TXLNB: variants seen among roughly 807,000 people sequenced by gnomAD.
TXLNB encodes the protein taxilin beta, also known as beta-taxilin.
A neutral mutation model predicts 57.4 loss-of-function variants in TXLNB; 37 were observed. The observed-to-expected ratio is 0.64, with a 90% confidence interval of 0.50 to 0.85. The LOEUF (loss-of-function observed/expected upper bound fraction) is 0.85, where lower values mean the gene tolerates loss of function less well. TXLNB is among the 40% of genes least tolerant of loss of function. The pLI is 0.00. For synonymous variants in TXLNB, 302 were observed against 309.6 expected (o/e 0.98, Z 0.26); for missense variants, 848 against 825.6 (o/e 1.03, Z -0.33).
the TXLNB span, among the ~76,000 whole-genome samples, chr6:139,165,012 C>T: frequency 3.3e-5 from 5 of 152,306 alleles, no homozygotes; most frequent in East Asian, 1.9e-4. Flanking sequence ...AGTCAGCTAA[C>T]GACAAGAACA....
At chr6:139,190,935 A>G in the TXLNB span, among the ~76,000 whole-genome samples, 2 of 152,126 alleles carry the variant, frequency 1.3e-5, no homozygotes, top group African/African-American at 4.8e-5. Context: ...GTTAAGATTA[A>G]AAAGTTAGAA....
the TXLNB span, among the ~76,000 whole-genome samples, chr6:139,190,539 G>A: frequency 6.6e-6 from 1 of 152,072 alleles, no homozygotes; most frequent in African/African-American, 2.4e-5. Context: ...TGGAACTCCT[G>A]ACCTTGTGAT....
the TXLNB span, among the ~76,000 whole-genome samples, chr6:139,198,178 A>G: frequency 6.6e-6 from 1 of 151,612 alleles, no homozygotes; most frequent in Non-Finnish European, 1.5e-5. Flanking sequence ...AGGAGGGCCT[A>G]CTCAATATCC....
At chr6:139,276,458 G>A (rs1304972105) in intron 3 of TXLNB, among the ~76,000 whole-genome samples, 3 of 152,176 alleles carry the variant, frequency 2.0e-5, no homozygotes, top group South Asian at 4.1e-4. Context: ...GCTAACATGC[G>A]AGAATTAACC....
the TXLNB span, among the ~76,000 whole-genome samples, chr6:139,212,018 T>A: frequency 6.6e-6 from 1 of 152,146 alleles, no homozygotes; most frequent in African/African-American, 2.4e-5. Flanking sequence ...TACCTGAAAG[T>A]GACAGGGAGA....
chr6:139,270,357 C>G, intron 4 of TXLNB, 99 bp downstream of exon 4: 1 of 1,197,830 alleles, frequency 8.3e-7, no homozygotes, highest in South Asian at 1.6e-5. Flanking sequence ...GAACCCAAGC[C>G]TCTCTGATTC....
intron 7 of TXLNB, among the ~76,000 whole-genome samples, chr6:139,250,079 A>G (rs1449365268): frequency 1.3e-5 from 2 of 150,456 alleles, no homozygotes; most frequent in African/African-American, 4.9e-5. Context: ...CAATTGTGTG[A>G]TCCTAGCTCA....
chr6:139,188,091 TAAGA>T, the TXLNB span, among the ~76,000 whole-genome samples: 2 of 152,188 alleles, frequency 1.3e-5, no homozygotes, highest in African/African-American at 4.8e-5. Flanking sequence ...TGGTAACCCC[TAAGA>T]AAGCTTCCCA....
intron 6 of TXLNB, among the ~76,000 whole-genome samples, chr6:139,256,164 A>T (rs34186013): frequency 3.1e-4 from 47 of 151,724 alleles, no homozygotes; most frequent in Non-Finnish European, 4.4e-4. Flanking sequence ...TGGTTTTAAT[A>T]AAAAAAATAG....
the TXLNB span, among the ~76,000 whole-genome samples, chr6:139,192,680 C>T: frequency 6.6e-6 from 1 of 152,072 alleles, no homozygotes; most frequent in Non-Finnish European, 1.5e-5. Flanking sequence ...CATGATGGCT[C>T]ACGCCTGTAA....
chr6:139,212,814 G>A, the TXLNB span, among the ~76,000 whole-genome samples: 1 of 152,252 alleles, frequency 6.6e-6, no homozygotes, highest in East Asian at 1.9e-4. Flanking sequence ...ACAAAAAAAG[G>A]CAGGGGTTGC....
chr6:139,220,803 G>T, the TXLNB span, among the ~76,000 whole-genome samples: 1 of 152,066 alleles, frequency 6.6e-6, no homozygotes, highest in Non-Finnish European at 1.5e-5. Flanking sequence ...AACAAACCTG[G>T]TCCTCCATAG....
the TXLNB span, among the ~76,000 whole-genome samples, chr6:139,307,240 C>T: frequency 3.3e-5 from 5 of 152,232 alleles, no homozygotes; most frequent in East Asian, 5.8e-4. Flanking sequence ...CTCACTTTGC[C>T]GCTCAGGCTG....
the TXLNB span, among the ~76,000 whole-genome samples, chr6:139,206,351 T>C: frequency 6.6e-6 from 1 of 152,214 alleles, no homozygotes; most frequent in African/African-American, 2.4e-5. Context: ...TGAATGTAAA[T>C]GACCTAAATG....
At chr6:139,160,019 GCA>G in the TXLNB span, among the ~76,000 whole-genome samples, 3 of 152,186 alleles carry the variant, frequency 2.0e-5, no homozygotes, top group Non-Finnish European at 4.4e-5. Flanking sequence ...TAGGTAAGGA[GCA>G]CAGAGTTCTC....
At chr6:139,276,048 G>C (rs990551329) in intron 3 of TXLNB, among the ~76,000 whole-genome samples, 1 of 152,194 alleles carries the variant, frequency 6.6e-6, no homozygotes, top group Admixed American at 6.5e-5. Flanking sequence ...ATGATTTCAT[G>C]CAATTCTTCT....
the TXLNB span, among the ~76,000 whole-genome samples, chr6:139,224,190 G>A: frequency 1.3e-5 from 2 of 150,060 alleles, no homozygotes; most frequent in African/African-American, 2.5e-5. Flanking sequence ...GTAAACTATC[G>A]CAAGAACAAA....
At chr6:139,170,665 G>C in the TXLNB span, 1 of 152,224 alleles carries the variant, frequency 6.6e-6, no homozygotes, top group Non-Finnish European at 1.5e-5. Flanking sequence ...TCTAGAGTGG[G>C]AAAGGAGTAG....
the TXLNB span, among the ~76,000 whole-genome samples, chr6:139,202,549 C>G: frequency 6.6e-6 from 1 of 152,156 alleles, no homozygotes; most frequent in East Asian, 1.9e-4. Context: ...GTGCTTTATA[C>G]TCTTATTTTT....
Sources: gnomAD v4.1 joint callset for allele counts (sites outside exome capture counted in the v4.1 genomes callset) on GRCh38, gnomAD v4.1.1 for gene constraint, MANE v1.5 for transcripts, NCBI Gene and HGNC (gene_info 2026-07-23, HGNC 2026-07-21) for gene names.